The following RPN2 variants were observed in gnomAD, a reference collection of about 807,000 sequenced individuals.
RPN2 encodes ribophorin II, also known as dolichyl-diphosphooligosaccharide--protein glycosyltransferase subunit 2.
Under a neutral mutation model 71.4 loss-of-function variants are expected in RPN2, and 29 were observed. The observed-to-expected ratio is 0.41, with a 90% CI of 0.30 to 0.55. The LOEUF (loss-of-function observed/expected upper bound fraction) is 0.55. RPN2 is among the 20% of genes least tolerant of loss of function. The pLI is 0.35. For synonymous variants in RPN2, 308 were observed against 305.0 expected, an observed-to-expected ratio of 1.01 and a Z score of -0.10; for missense variants, 726 against 774.1, an observed-to-expected ratio of 0.94 and a Z score of 0.74.
Position 37,241,505 on chromosome 20 carries a change from GTC to G in RPN2, c.*194_*195del, listed in dbSNP as rs942967424. ...AGCAGATACCTGGTGAGCTCAGATA[GTC>G]TCTTTCTCTGACACTGTGTAAGAAG... On this transcript the variant is annotated 3_prime_UTR_variant, in exon 17 of 17. Transcript: ENST00000237530. The G allele has an allele frequency of 1.2e-4, 79 of 669,568 alleles. No individual in the cohort carries two copies. In the African/African-American group the frequency reaches 1.2e-3, roughly 11 times the overall value. 41.5% of individuals were successfully genotyped at this position (669,568 alleles called of 1,614,324 possible). A position where few individuals can be genotyped will look rare whatever the true frequency, so the allele number is the denominator to read the frequency against.
At chr20:37,233,752 G>C (rs2146702102) in intron 14 of RPN2, among the ~76,000 whole-genome samples, 1 of 152,288 alleles carries the variant, frequency 6.6e-6, no homozygotes, top group Middle Eastern at 3.4e-3. Context: ...AAAATAGTAG[G>C]GTTTGTCATC....
intron 10 of RPN2, 108 bp from the exon 11 acceptor site, chr20:37,225,580 T>TA: frequency 1.3e-6 from 1 of 766,752 alleles, no homozygotes. Context: ...ACAGAAGTGT[T>TA]ACTATGGGAG....
At chr20:37,240,301 A>G (rs1192856302) in intron 16 of RPN2, among the ~76,000 whole-genome samples, 1 of 152,212 alleles carries the variant, frequency 6.6e-6, no homozygotes, top group Non-Finnish European at 1.5e-5. Context: ...TTTCATACTC[A>G]TGCCATCCTT....
chr20:37,182,945 CT>C (rs2066918988), intron 1 of RPN2, among the ~76,000 whole-genome samples: 1 of 152,108 alleles, frequency 6.6e-6, no homozygotes, highest in African/African-American at 2.4e-5. Flanking sequence ...ATTAATTTTT[CT>C]TTTCATTTAT....
chr20:37,200,676 GGTCAA>G (rs2067367788), intron 4 of RPN2, among the ~76,000 whole-genome samples: 1 of 152,024 alleles, frequency 6.6e-6, no homozygotes, highest in Non-Finnish European at 1.5e-5. Context: ...ATATTCACAT[GGTCAA>G]TCATCAGTGA....
At chr20:37,215,143 C>CA (rs1340674981) in intron 9 of RPN2, among the ~76,000 whole-genome samples, 1 of 152,156 alleles carries the variant, frequency 6.6e-6, no homozygotes, top group Non-Finnish European at 1.5e-5. Context: ...GTCCATGACT[C>CA]ATTTATCTTG....
In RPN2 at chr20:37,241,570, A is replaced by C; in HGVS notation, c.*255A>C. ...CTAACTTACCCAGATGTTGCTTTTG[A>C]AAAGTTGAAATGTGTAATTGTTTTG... is the stretch of plus-strand genomic sequence containing the variant. On this transcript the variant is annotated 3_prime_UTR_variant, in exon 17 of 17. Coordinates refer to ENST00000237530, the MANE Select transcript of RPN2 (RefSeq NM_002951.5). The C allele has an allele frequency of 1.8e-6, 1 of 542,752 alleles. No individual in the cohort carries two copies. The highest frequency in any genetic ancestry group is 2.1e-5 in the South Asian group (1 of 47,064). The allele number at this position is 542,752 out of a possible 1,614,324, so 33.6% of individuals were successfully genotyped here. A position where few individuals can be genotyped will look rare whatever the true frequency, so the allele number is the denominator to read the frequency against.
rs1001020055 is a variant in RPN2, at chr20:37,209,899, G to A, written c.868-148G>A. 7.3e-6 allele frequency: 10 copies of A among 1,366,404 alleles called. No homozygotes were observed. The African/African-American group carries it at 1.4e-4, about 20-fold the overall frequency. The allele number at this position is 1,366,404 out of a possible 1,614,324, so 84.6% of individuals were successfully genotyped here. On this transcript the variant is annotated intron_variant, in intron 7 of 16. Transcript: ENST00000237530. The stretch of plus-strand genomic sequence containing the variant: ...CTGTAATAATTCACTTTAGGATTAG[G>A]CAGCAGGCCCAAGGTCAGCCAAGAT...
intron 4 of RPN2, among the ~76,000 whole-genome samples, chr20:37,202,299 C>T (rs1600772885): frequency 1.3e-5 from 2 of 152,168 alleles, no homozygotes; most frequent in Non-Finnish European, 2.9e-5. Flanking sequence ...CCATAGGTGT[C>T]GTTGAATACT....
chr20:37,180,953 G>A (rs1195772336), intron 1 of RPN2, among the ~76,000 whole-genome samples: 1 of 152,140 alleles, frequency 6.6e-6, no homozygotes, highest in African/African-American at 2.4e-5. Flanking sequence ...GTCTCCAGCC[G>A]GGTGCGGTAG....
rs976408923 is a variant in RPN2 at position 37,211,218 on chromosome 20, A to T, written c.986+1053A>T. On this transcript the variant is annotated intron_variant, in intron 8 of 16. Coordinates refer to ENST00000237530, the MANE Select transcript of RPN2 (RefSeq NM_002951.5). The stretch of plus-strand genomic sequence containing the variant: ...CCTGGCTAATTTTTGTATTTTTGGT[A>T]GAGGCAGGGTTTCACCATGTTGACC... Among the ~76,000 whole-genome samples, 11 of 151,640 alleles carry T rather than the reference A, an allele frequency of 7.3e-5. 1 individual carries two copies. The East Asian group carries it at 2.2e-3, about 30-fold the overall frequency.
chr20:37,239,739 C>G (rs1289752356), intron 16 of RPN2, among the ~76,000 whole-genome samples: 2 of 152,138 alleles, frequency 1.3e-5, no homozygotes, highest in African/African-American at 2.4e-5. Context: ...TTGCCACTCT[C>G]CAGAGAGCTC....
chr20:37,231,286 C>T (rs1410401933), intron 13 of RPN2, among the ~76,000 whole-genome samples: 2 of 151,992 alleles, frequency 1.3e-5, no homozygotes, highest in Non-Finnish European at 1.5e-5. Context: ...CTCCAGAATC[C>T]CACACCATTG....
chr20:37,204,076 A>G (rs547371432), intron 5 of RPN2, 116 bp downstream of exon 5: 42 of 754,314 alleles, frequency 5.6e-5, no homozygotes, highest in East Asian at 7.9e-5. Context: ...TCTTATATCC[A>G]TGGCACACTT....
At chr20:37,221,218 C>T (rs991468924) in intron 9 of RPN2, among the ~76,000 whole-genome samples, 34 of 130,478 alleles carry the variant, frequency 2.6e-4, no homozygotes, top group Admixed American at 9.5e-4. Context: ...TTTTTTGAGG[C>T]GGAGCCTTGC....
At chr20:37,235,902 G>A (rs555019130) in intron 15 of RPN2, among the ~76,000 whole-genome samples, 3 of 151,846 alleles carry the variant, frequency 2.0e-5, no homozygotes, top group Non-Finnish European at 2.9e-5. Flanking sequence ...CTTCTGCCTC[G>A]GCCTCCCAAA....
At chr20:37,184,120 G>C (rs552076360) in intron 1 of RPN2, 60 bp from the exon 2 acceptor site, 1 of 1,592,272 alleles carries the variant, frequency 6.3e-7, no homozygotes, top group Non-Finnish European at 8.6e-7. Flanking sequence ...ATCATCATTG[G>C]GACTGTGTAT....
intron 2 of RPN2, among the ~76,000 whole-genome samples, chr20:37,193,501 G>A (rs908493106): frequency 6.6e-6 from 1 of 152,164 alleles, no homozygotes; most frequent in Non-Finnish European, 1.5e-5. Flanking sequence ...GCCCACATAG[G>A]AAGAGTTCTG....
intron 4 of RPN2, among the ~76,000 whole-genome samples, chr20:37,203,128 T>TTGCCCAGGCTGGTTTCGAA (rs2067430737): frequency 6.6e-6 from 1 of 152,120 alleles, no homozygotes; most frequent in Non-Finnish European, 1.5e-5. Flanking sequence ...TCTCACTGTA[T>TTGCCCAGGCTGGTTTCGAA]TGCCCAGGCT....
Sources: gnomAD v4.1 joint callset for allele counts (sites outside exome capture counted in the v4.1 genomes callset) on GRCh38, gnomAD v4.1.1 for gene constraint, MANE v1.5 for transcripts, NCBI Gene and HGNC (gene_info 2026-07-23, HGNC 2026-07-21) for gene names.